The following GNAS variants were observed in gnomAD, a reference collection of about 807,000 sequenced individuals.
GNAS encodes protein ALEX.
Under a neutral mutation model 54.5 loss-of-function variants are expected in GNAS, and 8 were observed. The ratio of observed to expected loss-of-function variants is 0.15; its 90% CI spans 0.09 to 0.26. GNAS has a LOEUF of 0.26. GNAS is among the 10% of genes least tolerant of loss of function. The probability of loss-of-function intolerance (pLI) is 1.00; values close to 1 mark genes in which losing one functional copy is unlikely to be tolerated. For missense variants in GNAS, 170 were observed against 529.8 expected (o/e 0.32, Z 6.67); for synonymous variants, 204 against 191.4 (o/e 1.07, Z -0.54).
Position 58,910,284 on chromosome 20 carries a change from G to A in GNAS, c.971-50G>A, listed in dbSNP as rs941760950. On this transcript the variant is annotated intron_variant, in intron 11 of 12. Coordinates refer to ENST00000371085, the MANE Select transcript of GNAS (RefSeq NM_000516.7). The surrounding 1 kb of genome is among the most constrained non-coding windows in gnomAD (Gnocchi z 5.8). ...GAGCTACAGAGATGCTAGCACCCCA[G>A]CTCTGCTTGAATTTTAAATTACATT... 1.4e-6 allele frequency: 2 copies of A among 1,420,268 alleles called. No individual in the cohort carries two copies. Among genetic ancestry groups the A allele is most frequent in the African/African-American group, 1.4e-5 (1 of 71,240 alleles). 88.0% of individuals were successfully genotyped at this position (1,420,268 alleles called of 1,614,324 possible).
upstream of GNAS, chr20:58,891,204 G>C (rs1489184721): frequency 6.7e-6 from 1 of 148,432 alleles, no homozygotes; most frequent in African/African-American, 2.5e-5. Context: ...CCGGGCTCCC[G>C]GGGGGCCGCC....
rs1601109202 is a variant in GNAS, at chr20:58,902,925, G to A, written c.258-606G>A. 3.0e-5 allele frequency: 5 copies of A among 169,236 alleles called. No individual in the cohort carries two copies. The East Asian group carries it at 6.1e-4, about 21-fold the overall frequency. The allele number at this position is 169,236 out of a possible 1,614,324, so 10.5% of individuals were successfully genotyped here. On this transcript the variant is annotated intron_variant, in intron 3 of 12. Transcript: ENST00000371085. ...TTTTTTGTGTGTTTTTAGTAGAGAC[G>A]GGGTTTCACCATGTTGGCCAGACTG...
upstream of GNAS, chr20:58,891,209 G>A (rs913784079): frequency 6.7e-6 from 1 of 149,260 alleles, no homozygotes; most frequent in Non-Finnish European, 1.5e-5. Flanking sequence ...CTCCCGGGGG[G>A]CCGCCTCCCT....
upstream of GNAS, chr20:58,891,162 C>A (rs1347269753): frequency 1.3e-5 from 2 of 149,456 alleles, no homozygotes; most frequent in Middle Eastern, 3.4e-3. Flanking sequence ...CCGTCCCGTC[C>A]CCGGCCGGGC....
rs61749697 is a variant in GNAS at position 58,854,392 on chromosome 20, C to T, written c.43+13506C>T. On this transcript the variant is annotated intron_variant, in intron 1 of 12. Coordinates refer to the GNAS transcript ENST00000306090. ...GCGGAGGGAGGAAAAGTACCCTCTC[C>T]GGGGTACGGATCCCCTGCCGCCGGG... 0.024 allele frequency: 38,006 copies of T among 1,566,182 alleles called. 578 individuals carry two copies. The highest frequency in any genetic ancestry group is 0.072 in the Middle Eastern group (430 of 5,994).
At chr20:58,892,910 T>C (rs2089624474) in intron 1 of GNAS, among the ~76,000 whole-genome samples, 1 of 119,334 alleles carries the variant, frequency 8.4e-6, no homozygotes, top group Non-Finnish European at 1.6e-5. Context: ...CCCAACACTA[T>C]TTTAATAAAC....
chr20:58,893,659 A>G (rs138101326), intron 1 of GNAS, among the ~76,000 whole-genome samples: 133 of 152,348 alleles, frequency 8.7e-4, no homozygotes, highest in African/African-American at 3.0e-3. Flanking sequence ...AATTTCAGTA[A>G]TTAAATGGTA....
chr20:58,891,132 G>A (rs1471516878), upstream of GNAS, among the ~76,000 whole-genome samples: 3 of 148,562 alleles, frequency 2.0e-5, no homozygotes, highest in Non-Finnish European at 4.5e-5. Context: ...AGCCCGGGGG[G>A]TGGGGGGCGT....
chr20:58,878,972 G>A (rs1314110365), intron 1 of GNAS, among the ~76,000 whole-genome samples: 2 of 152,076 alleles, frequency 1.3e-5, no homozygotes, highest in Non-Finnish European at 2.9e-5. Context: ...GCCAAAGGAA[G>A]CCCACTTCAG....
upstream of GNAS, chr20:58,840,004 C>T (rs951616510): frequency 3.0e-6 from 4 of 1,352,888 alleles, no homozygotes; most frequent in Non-Finnish European, 4.2e-6. The surrounding 1 kb of genome is among the most constrained non-coding windows in gnomAD (Gnocchi z 6.0). Context: ...CAGCTTCTCA[C>T]CTCATAGGGT....
In GNAS at chr20:58,853,207, C is replaced by T. The variant is rs1420514818; in HGVS notation, c.43+12321C>T. 1.4e-6 allele frequency: 2 copies of T among 1,477,662 alleles called. No homozygotes were observed. Among genetic ancestry groups the T allele is most frequent in the East Asian group, 2.5e-5 (1 of 40,150 alleles). 91.5% of individuals were successfully genotyped at this position (1,477,662 alleles called of 1,614,324 possible). On this transcript the variant is annotated intron_variant, in intron 1 of 12. Coordinates refer to the GNAS transcript ENST00000306090. This position sits in a 1 kb window ranked among gnomAD's most constrained non-coding sequence, Gnocchi z 4.4. The stretch of plus-strand genomic sequence containing the variant: ...TAATAATAATTTTTTCACCCTAGTT[C>T]GGTTGGGTGCTCCATCTTACGGAGC...
upstream of GNAS, among the ~76,000 whole-genome samples, chr20:58,886,384 T>C (rs1228785660): frequency 1.3e-5 from 2 of 152,238 alleles, no homozygotes; most frequent in Non-Finnish European, 2.9e-5. Context: ...GCAAGTCTCC[T>C]GAGCCAGAGA....
At chr20:58,899,710 GCA>G (rs940070152) in intron 3 of GNAS, among the ~76,000 whole-genome samples, 2 of 151,368 alleles carry the variant, frequency 1.3e-5, no homozygotes, top group East Asian at 3.9e-4. Context: ...CACATCACAC[GCA>G]CACACAGCCA....
In GNAS at chr20:58,841,426, C is replaced by G; in HGVS notation, c.43+540C>G. On this transcript the variant is annotated intron_variant, in intron 1 of 12. Transcript: ENST00000306090. The surrounding 1 kb of genome is among the most constrained non-coding windows in gnomAD (Gnocchi z 5.0). The stretch of plus-strand genomic sequence containing the variant: ...GCGAGAACTCTAGAGACTGACCACC[C>G]GGGAGGGAAGTCACGCGCGCGCGGC... 1.0e-6 allele frequency: 1 copy of G among 992,526 alleles called. No homozygotes were observed. The allele number at this position is 992,526 out of a possible 1,614,324, so 61.5% of individuals were successfully genotyped here.
At chr20:58,900,174 C>T in intron 3 of GNAS, 1 of 579,482 alleles carries the variant, frequency 1.7e-6, no homozygotes, top group Non-Finnish European at 3.1e-6. Context: ...AGTATGACAA[C>T]TATCCAAAAA....
intron 1 of GNAS, chr20:58,892,133 T>TGCTCTC (rs967112271): frequency 2.2e-4 from 214 of 957,442 alleles, no homozygotes; most frequent in Admixed American, 1.9e-3. Context: ...GTCTCTCTCT[T>TGCTCTC]GCTCTCGCTC....
intron 1 of GNAS, chr20:58,892,465 G>T (rs1474996934): frequency 1.4e-5 from 2 of 146,170 alleles, no homozygotes; most frequent in African/African-American, 5.1e-5. Flanking sequence ...CGAGGAGAGT[G>T]GGGGGGCTGG....
chr20:58,870,827 C>T (rs1408348422), intron 1 of GNAS, among the ~76,000 whole-genome samples: 1 of 152,164 alleles, frequency 6.6e-6, no homozygotes, highest in Non-Finnish European at 1.5e-5. Flanking sequence ...ACATGGAACC[C>T]ACATCCCACA....
intron 1 of GNAS, chr20:58,848,826 C>A (rs1409715186): frequency 2.5e-6 from 1 of 398,504 alleles, no homozygotes; most frequent in Non-Finnish European, 4.4e-6. Context: ...TTTGGCCACA[C>A]TTCTGGGGTC....
Sources: allele counts gnomAD v4.1 joint callset (sites outside exome capture counted in the v4.1 genomes callset), GRCh38; gene constraint gnomAD v4.1.1; non-coding constraint Gnocchi (gnomAD v3.1); transcripts MANE v1.5; gene names NCBI Gene and HGNC (gene_info 2026-07-23, HGNC 2026-07-21).